The following STRN variants were observed in gnomAD, a reference collection of about 807,000 sequenced individuals.
STRN encodes the protein striatin.
STRN carries 53 observed loss-of-function variants against 96.3 expected under a neutral mutation model. The observed-to-expected ratio is 0.55, with a 90% CI of 0.44 to 0.69. The LOEUF is 0.69. Among genes scored for constraint, STRN ranks in the 30% least tolerant of loss-of-function variants. The probability of loss-of-function intolerance (pLI) is 0.00; values close to 1 mark genes in which losing one functional copy is unlikely to be tolerated. For missense variants in STRN, 987 were observed against 963.9 expected, an observed-to-expected ratio of 1.02 and a Z score of -0.32; for synonymous variants, 428 against 355.9, an observed-to-expected ratio of 1.20 and a Z score of -2.28.
At chr2:36,850,693 G>C (rs956151996) in intron 16 of STRN, among the ~76,000 whole-genome samples, 2 of 152,016 alleles carry the variant, frequency 1.3e-5, no homozygotes, top group Admixed American at 6.6e-5. Flanking sequence ...ATAGATCATA[G>C]CAACAGATCA....
chr2:36,947,702 C>G (rs1034646703), intron 1 of STRN, among the ~76,000 whole-genome samples: 2 of 151,702 alleles, frequency 1.3e-5, no homozygotes, highest in African/African-American at 4.8e-5. Flanking sequence ...ACTCCTGGTT[C>G]TCTCACAAAT....
chr2:36,874,915 G>C (rs1270176152), intron 10 of STRN, among the ~76,000 whole-genome samples: 1 of 152,190 alleles, frequency 6.6e-6, no homozygotes, highest in Non-Finnish European at 1.5e-5. Context: ...AGTCAGACAT[G>C]CAGAAAATAA....
At chr2:36,963,293 A>C (rs987093384) in intron 1 of STRN, among the ~76,000 whole-genome samples, 1 of 152,204 alleles carries the variant, frequency 6.6e-6, no homozygotes, top group African/African-American at 2.4e-5. Context: ...AGGTTCTTGA[A>C]GAGGCAAATT....
At chr2:36,859,093 A>C (rs1668417459) in intron 13 of STRN, among the ~76,000 whole-genome samples, 1 of 152,256 alleles carries the variant, frequency 6.6e-6, no homozygotes, top group African/African-American at 2.4e-5. Flanking sequence ...TGAAATAGGA[A>C]GTAGATGGGA....
intron 9 of STRN, among the ~76,000 whole-genome samples, chr2:36,880,178 G>A (rs756968402): frequency 3.3e-5 from 5 of 152,226 alleles, no homozygotes; most frequent in Non-Finnish European, 7.3e-5. Flanking sequence ...ACGTTGGCCA[G>A]GCTGGTCTCA....
intron 1 of STRN, among the ~76,000 whole-genome samples, chr2:36,951,570 G>A (rs185936717): frequency 2.1e-3 from 317 of 152,186 alleles, no homozygotes; most frequent in South Asian, 8.7e-3. Flanking sequence ...CTGCCCTTAA[G>A]GACACAATTT....
At chr2:36,957,145 A>G (rs965126694) in intron 1 of STRN, among the ~76,000 whole-genome samples, 1 of 152,242 alleles carries the variant, frequency 6.6e-6, no homozygotes, top group African/African-American at 2.4e-5. Context: ...ACAGTCTAAT[A>G]GGTGATATAC....
intron 1 of STRN, among the ~76,000 whole-genome samples, chr2:36,937,338 G>C (rs1206733310): frequency 5.7e-4 from 36 of 63,598 alleles, no homozygotes; most frequent in African/African-American, 1.6e-3. Context: ...GAGTGAGACT[G>C]TCTCAAAAAA....
Position 36,966,504 on chromosome 2 carries a change from A to C in STRN, c.-41T>G. On this transcript the variant is annotated 5_prime_UTR_variant, in exon 1 of 18. Coordinates refer to ENST00000263918, the MANE Select transcript of STRN (RefSeq NM_003162.4). ...CCGGGGAGCTGCCCCGGCGCCCAGC[A>C]GCGGAGGCAACAGCGGCGGCAAGCA... The C allele has an allele frequency of 3.6e-6, 5 of 1,382,606 alleles. No homozygotes were observed. The highest frequency in any genetic ancestry group is 4.7e-6 in the Non-Finnish European group (5 of 1,072,192). The allele number at this position is 1,382,606 out of a possible 1,614,324, so 85.6% of individuals were successfully genotyped here.
rs943610540 is a variant in STRN, at chr2:36,883,541, G to C, written c.1186+391C>G. On this transcript the variant is annotated intron_variant, in intron 9 of 17. Transcript: ENST00000263918. ...AGCAGAATATGTGACTAGACTTTTA[G>C]GTGACTTTATCCCCTTTTTCAATTA... is the stretch of plus-strand genomic sequence containing the variant. 3.9e-5 allele frequency among the ~76,000 whole-genome samples: 6 copies of C among 152,238 alleles called. No individual in the cohort carries two copies. In the East Asian group the frequency reaches 9.6e-4, roughly 24 times the overall value.
Position 36,884,069 on chromosome 2 carries a change from T to C in STRN, c.1049A>G (p.Asn350Ser), listed in dbSNP as rs992523514. 10 of 1,346,642 alleles carry C rather than the reference T, an allele frequency of 7.4e-6. No individual in the cohort carries two copies. The highest frequency in any genetic ancestry group is 1.5e-5 in the African/African-American group (1 of 66,890). 83.4% of individuals were successfully genotyped at this position (1,346,642 alleles called of 1,614,324 possible). A position where few individuals can be genotyped will look rare whatever the true frequency, so the allele number is the denominator to read the frequency against. ...RKGKKGVKRP[N>S]RSKLQDMLAN... ...AAGCATATCTTGTAGTTTTGACCTA[T>C]TGGGCCCTAGCCAAAAAAAGGGGGG... Residue 350 changes from asparagine to serine, a missense_variant, in exon 9 of 18, where the codon AAT becomes AGT. Coordinates refer to ENST00000263918, the MANE Select transcript of STRN (RefSeq NM_003162.4).
intron 12 of STRN, among the ~76,000 whole-genome samples, chr2:36,865,774 C>A (rs964947283): frequency 6.6e-6 from 1 of 151,986 alleles, no homozygotes; most frequent in Non-Finnish European, 1.5e-5. Flanking sequence ...GTTGGCCAGG[C>A]TGGTCTCAAA....
At chr2:36,955,485 T>C (rs1041730678) in intron 1 of STRN, among the ~76,000 whole-genome samples, 1 of 152,212 alleles carries the variant, frequency 6.6e-6, no homozygotes, top group African/African-American at 2.4e-5. Flanking sequence ...AAAATACAGA[T>C]AAGACATCTT....
At position 36,842,368 on chromosome 2, in the gene STRN, T is replaced by A. The variant is rs1400856337; in HGVS notation, c.*7088A>T. The A allele has an allele frequency of 6.6e-6, 1 of 152,166 alleles. No homozygotes were observed. Among genetic ancestry groups the A allele is most frequent in the Non-Finnish European group, 1.5e-5 (1 of 68,022 alleles). The allele number at this position is 152,166 out of a possible 1,614,324, so 9.4% of individuals were successfully genotyped here. Reference sequence around the variant, plus strand: ...TGATGGCATAAGAAATTATAGCACATAAATTAATAACACTATAGTACTCCA... The same window carrying A: ...TGATGGCATAAGAAATTATAGCACAAAAATTAATAACACTATAGTACTCCA... On this transcript the variant is annotated 3_prime_UTR_variant, in exon 18 of 18. Transcript: ENST00000263918.
chr2:36,927,985 A>C (rs750675284), intron 1 of STRN, among the ~76,000 whole-genome samples: 1 of 152,236 alleles, frequency 6.6e-6, no homozygotes, highest in African/African-American at 2.4e-5. Flanking sequence ...GACTGGTTAA[A>C]TAAATGAATA....
Position 36,847,858 on chromosome 2 carries a change from A to G in STRN, c.*1598T>C, listed in dbSNP as rs1668118679. On this transcript the variant is annotated 3_prime_UTR_variant, in exon 18 of 18. Coordinates refer to ENST00000263918, the MANE Select transcript of STRN (RefSeq NM_003162.4). Reference sequence around the variant, plus strand: ...GACGATGGAAAATGTGGGGAATGGAATATGTAGAAATTGTTTTAATTGGTT... The same window carrying G: ...GACGATGGAAAATGTGGGGAATGGAGTATGTAGAAATTGTTTTAATTGGTT... The G allele has an allele frequency of 6.6e-6, 1 of 152,168 alleles. No individual in the cohort carries two copies. 9.4% of individuals were successfully genotyped at this position (152,168 alleles called of 1,614,324 possible).
At chr2:36,858,119 A>G (rs907481527) in intron 13 of STRN, 96 bp from the exon 14 acceptor site, 16 of 916,466 alleles carry the variant, frequency 1.7e-5, no homozygotes, top group Admixed American at 9.0e-5. Context: ...ATAGCACCTG[A>G]TAACAGTATA....
intron 1 of STRN, among the ~76,000 whole-genome samples, chr2:36,933,101 G>A (rs946690614): frequency 6.7e-6 from 1 of 150,250 alleles, no homozygotes; most frequent in Non-Finnish European, 1.5e-5. Flanking sequence ...TATGCAGTTA[G>A]CCCTTCATAT....
chr2:36,871,129 T>C (rs1050808915), intron 10 of STRN, among the ~76,000 whole-genome samples: 3 of 152,220 alleles, frequency 2.0e-5, no homozygotes, highest in Admixed American at 6.5e-5. Context: ...GTAAAGATTA[T>C]AGTAAGCAAA....
Sources: gnomAD v4.1 joint callset for allele counts (sites outside exome capture counted in the v4.1 genomes callset) on GRCh38, gnomAD v4.1.1 for gene constraint, MANE v1.5 for transcripts, NCBI Gene and HGNC (gene_info 2026-07-23, HGNC 2026-07-21) for gene names.